The following NKIRAS1 variants were observed in gnomAD, a reference collection of about 807,000 sequenced individuals.
The protein encoded by NKIRAS1 is NFKB inhibitor interacting Ras like 1, also known as NF-kappa-B inhibitor-interacting Ras-like protein 1.
A neutral mutation model predicts 19.8 loss-of-function variants in NKIRAS1; 16 were observed. That is an observed-to-expected ratio of 0.81 (90% CI 0.55 to 1.23). The LOEUF (loss-of-function observed/expected upper bound fraction) is 1.23. Ranked by LOEUF, NKIRAS1 falls within the 50% of genes most tolerant of loss-of-function variation. NKIRAS1 has a pLI of 0.00. For missense variants in NKIRAS1, 184 were observed against 220.0 expected (o/e 0.84, Z 1.04); for synonymous variants, 88 against 79.0 (o/e 1.11, Z -0.61).
At chr3:23,917,786 A>G, upstream of NKIRAS1, 8 of 1,471,108 alleles carry the variant, frequency 5.4e-6, no homozygotes, top group East Asian at 2.3e-5. Context: ...ACTAAGATGG[A>G]CGGATACAGT....
intron 4 of NKIRAS1, among the ~76,000 whole-genome samples, chr3:23,895,914 C>A (rs1575062091): frequency 6.6e-6 from 1 of 152,140 alleles, no homozygotes; most frequent in African/African-American, 2.4e-5. Context: ...GTGGGTGGAT[C>A]ATGAGGTCAG....
chr3:23,904,984 G>C (rs1185499239), intron 3 of NKIRAS1, among the ~76,000 whole-genome samples: 2 of 152,098 alleles, frequency 1.3e-5, no homozygotes, highest in African/African-American at 2.4e-5. Context: ...CGGCAAAATG[G>C]ATGAATCTTT....
At chr3:23,937,310 T>C (rs1705413232) in intron 1 of NKIRAS1, among the ~76,000 whole-genome samples, 1 of 150,786 alleles carries the variant, frequency 6.6e-6, no homozygotes, top group Non-Finnish European at 1.5e-5. Flanking sequence ...GGAGGAGAGA[T>C]GGAGGGCCAT....
chr3:23,901,926 C>T (rs1018971374), intron 3 of NKIRAS1, among the ~76,000 whole-genome samples: 1 of 152,044 alleles, frequency 6.6e-6, no homozygotes, highest in African/African-American at 2.4e-5. Context: ...TACAAAAATT[C>T]GCTGGGTGTG....
intron 4 of NKIRAS1, among the ~76,000 whole-genome samples, chr3:23,895,631 G>A (rs1198590632): frequency 6.6e-6 from 1 of 152,088 alleles, no homozygotes; most frequent in African/African-American, 2.4e-5. Flanking sequence ...GAATATGGCT[G>A]GAGAAAAACA....
upstream of NKIRAS1, chr3:23,920,638 A>G: frequency 1.0e-6 from 1 of 985,184 alleles, no homozygotes; most frequent in Non-Finnish European, 1.2e-6. Context: ...ACTTAATTTA[A>G]ATGCTCGTTC....
chr3:23,913,325 CAA>C (rs1442820592), intron 1 of NKIRAS1, among the ~76,000 whole-genome samples: 5 of 151,994 alleles, frequency 3.3e-5, no homozygotes, highest in Admixed American at 2.0e-4. Context: ...GGAAGGAAAG[CAA>C]AGAGATGACA....
At chr3:23,908,264 A>C (rs1283432201) in intron 3 of NKIRAS1, among the ~76,000 whole-genome samples, 2 of 152,230 alleles carry the variant, frequency 1.3e-5, no homozygotes, top group Admixed American at 6.5e-5. Flanking sequence ...ATTTTAATTT[A>C]GCAGAGTAAA....
intron 4 of NKIRAS1, among the ~76,000 whole-genome samples, chr3:23,893,747 C>T (rs776225998): frequency 7.1e-6 from 1 of 140,598 alleles, no homozygotes; most frequent in Non-Finnish European, 1.5e-5. Flanking sequence ...TGCAGTAAGC[C>T]GAGATGGCGC....
intron 1 of NKIRAS1, among the ~76,000 whole-genome samples, chr3:23,912,022 C>A (rs1703793567): frequency 6.6e-6 from 1 of 151,054 alleles, no homozygotes; most frequent in Non-Finnish European, 1.5e-5. Context: ...CCTTGGCCTC[C>A]CAAAGTGCTA....
At chr3:23,938,758 T>A (rs564582183) in intron 1 of NKIRAS1, among the ~76,000 whole-genome samples, 1 of 152,226 alleles carries the variant, frequency 6.6e-6, no homozygotes, top group Non-Finnish European at 1.5e-5. Context: ...ATGCCACATG[T>A]CTTCTGAGGC....
chr3:23,911,195 T>G, intron 2 of NKIRAS1, 134 bp downstream of exon 2: 1 of 283,230 alleles, frequency 3.5e-6, no homozygotes, highest in Non-Finnish European at 6.8e-6. Flanking sequence ...GGCTCATGCC[T>G]GCAATCCTAC....
intron 1 of NKIRAS1, among the ~76,000 whole-genome samples, chr3:23,931,387 T>A (rs377367315): frequency 6.6e-6 from 1 of 152,220 alleles, no homozygotes; most frequent in East Asian, 1.9e-4. Flanking sequence ...GACGTTCTTC[T>A]CCCAAATATA....
intron 1 of NKIRAS1, chr3:23,946,088 T>G: frequency 1.0e-6 from 1 of 984,280 alleles, no homozygotes; most frequent in Non-Finnish European, 1.2e-6. Context: ...TCCGCCCCTT[T>G]GGAAGCCTCG....
chr3:23,896,578 A>C (rs1702017710), intron 4 of NKIRAS1, among the ~76,000 whole-genome samples: 1 of 151,890 alleles, frequency 6.6e-6, no homozygotes, highest in African/African-American at 2.4e-5. Context: ...ATGCCACTGC[A>C]CTCTAGCGTG....
intron 1 of NKIRAS1, among the ~76,000 whole-genome samples, chr3:23,934,790 A>AT (rs976669719): frequency 6.6e-6 from 1 of 151,724 alleles, no homozygotes; most frequent in African/African-American, 2.4e-5. Context: ...TTTCAGAGGT[A>AT]TTTTTCCCTC....
rs553418058 is a variant in NKIRAS1 at position 23,890,756 on chromosome 3, AACTT to A, written c.*2335_*2338del. 2.2e-3 allele frequency: 1,449 copies of A among 652,428 alleles called. 3 individuals are homozygous for A. The highest frequency in any genetic ancestry group is 2.9e-3 in the Non-Finnish European group (1,252 of 424,430). 40.4% of individuals were successfully genotyped at this position (652,428 alleles called of 1,614,324 possible). A position where few individuals can be genotyped will look rare whatever the true frequency, so the allele number is the denominator to read the frequency against. On this transcript the variant is annotated 3_prime_UTR_variant, in exon 5 of 5. Coordinates refer to ENST00000425478, the MANE Select transcript of NKIRAS1 (RefSeq NM_020345.4). ...GTCTTATTTCCTAAGATTTTGTTGT[AACTT>A]AAGGTATCTTGCTACAGTAGACAGA...
chr3:23,946,210 GCTGACACCGCAGTGCAC>G, intron 1 of NKIRAS1: 1 of 985,430 alleles, frequency 1.0e-6, no homozygotes, highest in African/African-American at 1.7e-5. Context: ...CGAAGCGGGC[GCTGACACCGCAGTGCAC>G]CGGACGCCGC....
At chr3:23,894,289 G>A (rs932938185) in intron 4 of NKIRAS1, among the ~76,000 whole-genome samples, 1 of 152,180 alleles carries the variant, frequency 6.6e-6, no homozygotes. Context: ...TGGGCAGCAA[G>A]AACTGTCAAA....
Sources: gnomAD v4.1 joint callset for allele counts (sites outside exome capture counted in the v4.1 genomes callset) on GRCh38, gnomAD v4.1.1 for gene constraint, MANE v1.5 for transcripts, NCBI Gene and HGNC (gene_info 2026-07-23, HGNC 2026-07-21) for gene names.